The following PDE2A variants were observed in gnomAD, a reference collection of about 807,000 sequenced individuals.
PDE2A encodes the protein cGMP-dependent 3',5'-cyclic phosphodiesterase.
Under a neutral mutation model 133.6 loss-of-function variants are expected in PDE2A, and 53 were observed. The observed-to-expected ratio is 0.40, with a 90% confidence interval of 0.32 to 0.50. The LOEUF (loss-of-function observed/expected upper bound fraction) is 0.50, where lower values mean the gene tolerates loss of function less well. Among genes scored for constraint, PDE2A ranks in the 20% least tolerant of loss-of-function variants. The pLI is 0.73. For synonymous variants in PDE2A, 491 were observed against 490.2 expected, an observed-to-expected ratio of 1.00 and a Z score of -0.02; for missense variants, 796 against 1,232.4, an observed-to-expected ratio of 0.65 and a Z score of 5.30.
chr11:72,624,588 C>T (rs1397725967), intron 2 of PDE2A, among the ~76,000 whole-genome samples: 1 of 152,212 alleles, frequency 6.6e-6, no homozygotes, highest in Non-Finnish European at 1.5e-5. Context: ...GACTCAGGAC[C>T]ATACCTGCTA....
chr11:72,627,631 C>A (rs916434241), intron 2 of PDE2A, among the ~76,000 whole-genome samples: 1 of 152,162 alleles, frequency 6.6e-6, no homozygotes, highest in East Asian at 1.9e-4. Flanking sequence ...GCAGGCAAGG[C>A]CAGCAATGCC....
intron 2 of PDE2A, among the ~76,000 whole-genome samples, chr11:72,629,874 T>C (rs2135413933): frequency 6.6e-6 from 1 of 152,248 alleles, no homozygotes; most frequent in East Asian, 1.9e-4. Flanking sequence ...GCTGTAATAA[T>C]TAAACAAGGT....
In PDE2A at chr11:72,590,177, G is replaced by A; in HGVS notation, c.756+15C>T. On this transcript the variant is annotated intron_variant, in intron 9 of 30. Transcript: ENST00000334456. This position sits in a 1 kb window ranked among gnomAD's most constrained non-coding sequence, Gnocchi z 4.8. ...ACAGGACGGGGAGGTGGCCGGCAGGGGCGCAGGGACTCACGTATTGGAGCA... is the reference window on the plus strand; with the variant it reads ...ACAGGACGGGGAGGTGGCCGGCAGGAGCGCAGGGACTCACGTATTGGAGCA... 6.5e-7 allele frequency: 1 copy of A among 1,545,044 alleles called. No homozygotes were observed. The highest frequency in any genetic ancestry group is 1.2e-5 in the South Asian group (1 of 83,824).
At chr11:72,611,723 C>G (rs1857220132) in intron 2 of PDE2A, among the ~76,000 whole-genome samples, 1 of 152,174 alleles carries the variant, frequency 6.6e-6, no homozygotes, top group Non-Finnish European at 1.5e-5. Context: ...CCTCCTGGTC[C>G]TGCCCAGCAT....
rs1022026481 is a variant in PDE2A at position 72,578,681 on chromosome 11, G to A, written c.2470-167C>T. 2.0e-5 allele frequency among the ~76,000 whole-genome samples: 3 copies of A among 152,350 alleles called. No individual in the cohort carries two copies. The highest frequency in any genetic ancestry group is 3.4e-3 in the Middle Eastern group (1 of 294). On this transcript the variant is annotated intron_variant, in intron 28 of 30. Transcript: ENST00000334456. This position sits in a 1 kb window ranked among gnomAD's most constrained non-coding sequence, Gnocchi z 4.2. ...GCAGTGGGATGGCCTGAGGCAGGGAGTGGCTGGGTTGGGGCCCACCTTCCA... is the reference window on the plus strand; with the variant it reads ...GCAGTGGGATGGCCTGAGGCAGGGAATGGCTGGGTTGGGGCCCACCTTCCA...
At chr11:72,591,546 T>G (rs1392139494) in intron 6 of PDE2A, among the ~76,000 whole-genome samples, 190 bp from the exon 7 acceptor site, 2 of 152,212 alleles carry the variant, frequency 1.3e-5, no homozygotes, top group Non-Finnish European at 2.9e-5. Flanking sequence ...GTAGGAAGTC[T>G]CCTAGGACTA....
At position 72,584,666 on chromosome 11, in the gene PDE2A, C is replaced by G. The variant is rs771729096; in HGVS notation, c.1422G>C (p.Gln474His). The change falls in exon 18 of 31, where the codon CAG (glutamine) becomes CAC (histidine). Residue 474 changes from glutamine to histidine, a missense_variant. Coordinates refer to ENST00000334456, the MANE Select transcript of PDE2A (RefSeq NM_002599.5). ...CATATGCGTCAGGGATGTTCAGGATCTGGCCCGTGGTCGCCACGTGTCCCG... is the reference window on the plus strand; with the variant it reads ...CATATGCGTCAGGGATGTTCAGGATGTGGCCCGTGGTCGCCACGTGTCCCG... ...GIAGHVATTG[Q>H]ILNIPDAYAH... The G allele has an allele frequency of 3.1e-6, 5 of 1,613,340 alleles. No homozygotes were observed. The East Asian group carries it at 1.1e-4, about 36-fold the overall frequency.
rs1197263032 is a variant in PDE2A at position 72,578,529 on chromosome 11, C to T, written c.2470-15G>A. Reference sequence around the variant, plus strand: ...TAGATCAGCTCCTGAAAGGCCAACACTCTCATCACATCCTCTATGTAGGAT... The same window carrying T: ...TAGATCAGCTCCTGAAAGGCCAACATTCTCATCACATCCTCTATGTAGGAT... On this transcript the variant is annotated splice_polypyrimidine_tract_variant and intron_variant, in intron 28 of 30. Transcript: ENST00000334456. The surrounding 1 kb of genome is among the most constrained non-coding windows in gnomAD (Gnocchi z 4.2). 1 of 1,608,284 alleles carries T rather than the reference C, an allele frequency of 6.2e-7. No homozygotes were observed. The highest frequency in any genetic ancestry group is 8.5e-7 in the Non-Finnish European group (1 of 1,174,686).
chr11:72,627,027 G>A (rs1259095964), intron 2 of PDE2A, among the ~76,000 whole-genome samples: 1 of 152,140 alleles, frequency 6.6e-6, no homozygotes, highest in East Asian at 1.9e-4. Flanking sequence ...GGCTTCTTCG[G>A]TTGGTGCCCT....
intron 4 of PDE2A, among the ~76,000 whole-genome samples, chr11:72,602,267 GGT>G (rs1856783703): frequency 6.6e-6 from 1 of 152,210 alleles, no homozygotes; most frequent in African/African-American, 2.4e-5. Context: ...AACAGGGACA[GGT>G]GGGGCTGGGA....
At chr11:72,584,369 G>C in intron 18 of PDE2A, 56 bp from the exon 19 acceptor site, 3 of 1,324,354 alleles carry the variant, frequency 2.3e-6, no homozygotes, top group Non-Finnish European at 3.3e-6. Flanking sequence ...CGGTTGGAGG[G>C]AGGGATCCGG....
chr11:72,666,720 T>C (rs2135464233), intron 1 of PDE2A, among the ~76,000 whole-genome samples: 1 of 152,250 alleles, frequency 6.6e-6, no homozygotes, highest in South Asian at 2.1e-4. Flanking sequence ...ACGGTTTCAC[T>C]AGAACATATG....
Position 72,632,608 on chromosome 11 carries a change from G to A in PDE2A, c.144+9646C>T, listed in dbSNP as rs140879961. ...AGTCATGTCCGGCAGAGGAAATGAC[G>A]AGGGTTGAGATAAGTGCCTGACCCA... On this transcript the variant is annotated intron_variant, in intron 2 of 30. Transcript: ENST00000334456. Among the ~76,000 whole-genome samples, 14 of 152,292 alleles carry A rather than the reference G, an allele frequency of 9.2e-5. No homozygotes were observed. The East Asian group carries it at 2.1e-3, about 23-fold the overall frequency.
chr11:72,652,652 CATG>C (rs1305111376), intron 1 of PDE2A: 1 of 456,196 alleles, frequency 2.2e-6, no homozygotes, highest in African/African-American at 2.0e-5. Context: ...ATTTAATCTT[CATG>C]ATATTATTAG....
At chr11:72,639,979 C>T (rs961772544) in intron 2 of PDE2A, among the ~76,000 whole-genome samples, 1 of 152,092 alleles carries the variant, frequency 6.6e-6, no homozygotes, top group Non-Finnish European at 1.5e-5. Context: ...ACCTCATGCA[C>T]ACACTGCCAC....
At position 72,590,729 on chromosome 11, in the gene PDE2A, A is replaced by G. The variant is rs763731012; in HGVS notation, c.550-149T>C. The G allele has an allele frequency of 2.4e-4, 172 of 719,318 alleles. No individual in the cohort carries two copies. Among genetic ancestry groups the G allele is most frequent in the Non-Finnish European group, 3.4e-4 (169 of 492,946 alleles). 44.6% of individuals were successfully genotyped at this position (719,318 alleles called of 1,614,324 possible). ...CCCAAACACCTCATCCCTGGACTCT[A>G]CCTTCCTGAGGGCTCCCCCGGGGGC... On this transcript the variant is annotated intron_variant, in intron 7 of 30. Coordinates refer to ENST00000334456, the MANE Select transcript of PDE2A (RefSeq NM_002599.5). The surrounding 1 kb of genome is among the most constrained non-coding windows in gnomAD (Gnocchi z 4.8).
Position 72,578,941 on chromosome 11 carries a change from G to A in PDE2A, c.2425C>T (p.Leu809Phe). The part of the protein sequence containing the change: ...LLCLLMTSCD[L>F]SDQTKGWKTT... ...TTCCAGCCCTTGGTCTGGTCAGAGA[G>A]GTCACAGGAGGTCATGAGGAGGCAG... The change falls in exon 28 of 31, where the codon CTC becomes TTC. Residue 809 changes from leucine (L) to phenylalanine (F), a missense_variant. By Grantham distance (22) the Leu-to-Phe change is conservative. Transcript: ENST00000334456. The surrounding 1 kb of genome is among the most constrained non-coding windows in gnomAD (Gnocchi z 4.2). 6.2e-7 allele frequency: 1 copy of A among 1,613,866 alleles called. No homozygotes were observed. Among genetic ancestry groups the A allele is most frequent in the Non-Finnish European group, 8.5e-7 (1 of 1,179,690 alleles).
At chr11:72,663,201 C>A (rs530795385) in intron 1 of PDE2A, among the ~76,000 whole-genome samples, 141 of 152,270 alleles carry the variant, frequency 9.3e-4, no homozygotes, top group African/African-American at 3.2e-3. Context: ...ATCTCCATGG[C>A]CAGGGTGACA....
At position 72,580,907 on chromosome 11, in the gene PDE2A, G is replaced by A; in HGVS notation, c.2112C>T (p.Asn704=). 1 of 1,611,118 alleles carries A rather than the reference G, an allele frequency of 6.2e-7. No individual in the cohort carries two copies. Among genetic ancestry groups the A allele is most frequent in the South Asian group, 1.1e-5 (1 of 91,018 alleles). The change falls in exon 24 of 31, where the codon AAC becomes AAT. Residue 704 remains asparagine, a synonymous_variant. Coordinates refer to ENST00000334456, the MANE Select transcript of PDE2A (RefSeq NM_002599.5). The stretch of plus-strand genomic sequence containing the variant: ...TTACCGAGGCCACCTGGAAAGAGTT[G>A]TTTGTGCCTCTGTGGTCCAGGTCAT... ...MCHDLDHRGT[N]NSFQVASKSV... is the part of the protein sequence containing the mutation.
Sources: allele counts gnomAD v4.1 joint callset (sites outside exome capture counted in the v4.1 genomes callset), GRCh38; gene constraint gnomAD v4.1.1; non-coding constraint Gnocchi (gnomAD v3.1); transcripts MANE v1.5; gene names NCBI Gene and HGNC (gene_info 2026-07-23, HGNC 2026-07-21).